Variants in CCDC102B observed in about 807,000 individuals in gnomAD.
The protein encoded by CCDC102B is coiled-coil domain containing 102B.
A neutral mutation model predicts 57.4 loss-of-function variants in CCDC102B; 75 were observed. The ratio of observed to expected loss-of-function variants is 1.31; its 90% CI spans 1.08 to 1.58. CCDC102B has a LOEUF of 1.58. Among genes scored for constraint, CCDC102B ranks in the 40% most tolerant of loss-of-function variants. CCDC102B has a pLI of 0.00. For missense variants in CCDC102B, 636 were observed against 582.6 expected (o/e 1.09, Z -0.94); for synonymous variants, 206 against 201.9 (o/e 1.02, Z -0.17).
At chr18:68,931,497 G>A (rs916666390) in intron 6 of CCDC102B, among the ~76,000 whole-genome samples, 3 of 151,550 alleles carry the variant, frequency 2.0e-5, no homozygotes, top group Admixed American at 6.6e-5. Context: ...TTTCGGTTGG[G>A]GGGTGTGAGA....
intron 7 of CCDC102B, among the ~76,000 whole-genome samples, chr18:69,045,460 C>T (rs970242145): frequency 6.6e-6 from 1 of 152,002 alleles, no homozygotes; most frequent in African/African-American, 2.4e-5. Context: ...CATAAATACA[C>T]ATTCTTAATG....
At chr18:68,878,610 C>T (rs2039547747) in intron 5 of CCDC102B, among the ~76,000 whole-genome samples, 1 of 152,100 alleles carries the variant, frequency 6.6e-6, no homozygotes, top group Admixed American at 6.5e-5. Flanking sequence ...TGTGGATACA[C>T]AGGGAGAAAG....
intron 2 of CCDC102B, among the ~76,000 whole-genome samples, chr18:68,756,016 C>T (rs8095795): frequency 0.054 from 8,133 of 151,450 alleles, 270 homozygotes; most frequent in Non-Finnish European, 0.083. Context: ...TATCAAAATA[C>T]ATGAAATTTA....
intron 2 of CCDC102B, among the ~76,000 whole-genome samples, chr18:68,759,939 A>G (rs754170906): frequency 1.3e-5 from 2 of 152,086 alleles, no homozygotes; most frequent in Admixed American, 6.6e-5. Context: ...TTTCAGGGGC[A>G]GTCTGCATCA....
At chr18:69,046,270 T>C (rs2052564683) in intron 7 of CCDC102B, among the ~76,000 whole-genome samples, 1 of 152,170 alleles carries the variant, frequency 6.6e-6, no homozygotes, top group South Asian at 2.1e-4. Context: ...CTATTATTTT[T>C]TGACTCATAA....
At chr18:68,841,037 G>A (rs1599548891) in intron 3 of CCDC102B, among the ~76,000 whole-genome samples, 1 of 152,152 alleles carries the variant, frequency 6.6e-6, no homozygotes, top group African/African-American at 2.4e-5. Context: ...ATGAGTCATG[G>A]TTCCTGTGTC....
At chr18:68,955,830 A>G (rs1233243900) in intron 6 of CCDC102B, among the ~76,000 whole-genome samples, 2 of 152,058 alleles carry the variant, frequency 1.3e-5, no homozygotes, top group Non-Finnish European at 2.9e-5. Flanking sequence ...AGATATTTTG[A>G]TACAGGCTAA....
intron 3 of CCDC102B, among the ~76,000 whole-genome samples, chr18:68,840,709 T>A (rs554034663): frequency 6.6e-6 from 1 of 152,190 alleles, no homozygotes; most frequent in Non-Finnish European, 1.5e-5. Context: ...CCAGCCCACA[T>A]ACAATATTAC....
intron 1 of CCDC102B, among the ~76,000 whole-genome samples, chr18:68,809,640 A>G (rs1016706973): frequency 6.6e-6 from 1 of 152,204 alleles, no homozygotes; most frequent in Non-Finnish European, 1.5e-5. Flanking sequence ...GATTTTACAT[A>G]TAATCAAAGG....
At position 68,897,475 on chromosome 18, in the gene CCDC102B, G is replaced by A. The variant is rs763321168; in HGVS notation, c.1263+47G>A. ...AATTCTCACTGTCTAATCTCACTCT[G>A]ATGCCTACGCAGAGTCTGTCTTCAC... On this transcript the variant is annotated intron_variant, in intron 6 of 7. Transcript: ENST00000360242. 3.8e-6 allele frequency: 6 copies of A among 1,590,574 alleles called. No homozygotes were observed. The South Asian group carries it at 5.6e-5, about 15-fold the overall frequency.
chr18:68,764,159 A>G (rs1177158232), intron 2 of CCDC102B, among the ~76,000 whole-genome samples: 1 of 152,140 alleles, frequency 6.6e-6, no homozygotes, highest in Admixed American at 6.6e-5. Flanking sequence ...GCCTCCAACA[A>G]GGCAACATTT....
chr18:68,878,289 G>A (rs978320356), intron 5 of CCDC102B, among the ~76,000 whole-genome samples: 1 of 151,924 alleles, frequency 6.6e-6, no homozygotes, highest in African/African-American at 2.4e-5. Context: ...GTAGAGACCG[G>A]GGTCTCACCA....
chr18:68,825,507 T>C (rs1008889417), intron 1 of CCDC102B, among the ~76,000 whole-genome samples: 7 of 152,038 alleles, frequency 4.6e-5, no homozygotes, highest in African/African-American at 1.7e-4. Flanking sequence ...ATGGCCAACA[T>C]AGCAAAACTT....
chr18:68,808,923 T>A (rs968382257), intron 1 of CCDC102B, among the ~76,000 whole-genome samples: 5 of 152,226 alleles, frequency 3.3e-5, no homozygotes, highest in African/African-American at 4.8e-5. Context: ...GTTTTATTTT[T>A]AAAAATTTAT....
chr18:69,030,920 T>C (rs1013336347), intron 7 of CCDC102B, among the ~76,000 whole-genome samples: 3 of 152,212 alleles, frequency 2.0e-5, no homozygotes, highest in African/African-American at 7.2e-5. Context: ...CCCAAAGTGC[T>C]GGGATTACAA....
chr18:69,017,834 G>T (rs1304654657), intron 7 of CCDC102B, among the ~76,000 whole-genome samples: 3 of 152,028 alleles, frequency 2.0e-5, no homozygotes, highest in Non-Finnish European at 4.4e-5. Context: ...CTGTCTGCTC[G>T]CTGCTTCTAT....
chr18:68,914,770 G>A (rs1325416501), intron 6 of CCDC102B, among the ~76,000 whole-genome samples: 16 of 152,132 alleles, frequency 1.1e-4, no homozygotes. Context: ...AATATTAGAA[G>A]CATTTGCGGA....
chr18:68,940,925 C>A (rs2049364261), intron 6 of CCDC102B, among the ~76,000 whole-genome samples: 1 of 151,614 alleles, frequency 6.6e-6, no homozygotes, highest in South Asian at 2.1e-4. Context: ...AATGTAATTC[C>A]CCAGCATGAA....
chr18:68,895,528 G>A (rs1255489597), intron 5 of CCDC102B, among the ~76,000 whole-genome samples: 3 of 151,620 alleles, frequency 2.0e-5, no homozygotes, highest in African/African-American at 7.3e-5. Flanking sequence ...TAATTATAAA[G>A]TATGTTGCAA....
Sources: gnomAD v4.1 joint callset for allele counts (sites outside exome capture counted in the v4.1 genomes callset) on GRCh38, gnomAD v4.1.1 for gene constraint, MANE v1.5 for transcripts, NCBI Gene and HGNC (gene_info 2026-07-23, HGNC 2026-07-21) for gene names.